The following BCAR3 variants were observed in gnomAD, a reference collection of about 807,000 sequenced individuals.
BCAR3 encodes BCAR3 adaptor protein, NSP family member.
Under a neutral mutation model 80.1 loss-of-function variants are expected in BCAR3, and 37 were observed. That is an observed-to-expected ratio of 0.46 (90% confidence interval 0.36 to 0.61). The LOEUF is 0.61. Ranked by LOEUF, BCAR3 falls within the 20% of genes least tolerant of loss-of-function variation. BCAR3 has a pLI of 0.00. For missense variants in BCAR3, 978 were observed against 1,068.2 expected, an observed-to-expected ratio of 0.92 and a Z score of 1.18; for synonymous variants, 389 against 418.9, an observed-to-expected ratio of 0.93 and a Z score of 0.87.
At chr1:93,621,031 T>A (rs1675291131) in intron 3 of BCAR3, among the ~76,000 whole-genome samples, 1 of 152,058 alleles carries the variant, frequency 6.6e-6, no homozygotes, top group Non-Finnish European at 1.5e-5. Flanking sequence ...CTGCAAGGGA[T>A]CACCCGCCTA....
chr1:93,830,622 C>T (rs1183850889), intron 2 of BCAR3, among the ~76,000 whole-genome samples: 1 of 152,130 alleles, frequency 6.6e-6, no homozygotes, highest in African/African-American at 2.4e-5. Flanking sequence ...TATAAAATGG[C>T]CCCACCCCTA....
chr1:93,844,751 C>G (rs1056727397), intron 2 of BCAR3, among the ~76,000 whole-genome samples: 4 of 150,476 alleles, frequency 2.7e-5, no homozygotes, highest in Non-Finnish European at 4.4e-5. Flanking sequence ...TTCTGTCGCC[C>G]AGGCTGGAGT....
intron 2 of BCAR3, among the ~76,000 whole-genome samples, chr1:93,707,577 C>G (rs942789557): frequency 6.6e-6 from 1 of 151,674 alleles, no homozygotes; most frequent in African/African-American, 2.4e-5. Context: ...TGTGGTGGCG[C>G]GTGCCTGTAA....
chr1:93,816,487 A>C (rs547023035), intron 2 of BCAR3, among the ~76,000 whole-genome samples: 86 of 151,980 alleles, frequency 5.7e-4, no homozygotes, highest in African/African-American at 2.0e-3. Context: ...CCTGGCCAAC[A>C]CAGTGAAACC....
At position 93,725,865 on chromosome 1, in the gene BCAR3, G is replaced by A. The variant is rs114214310; in HGVS notation, c.-62-19723C>T. ...CTAGCCCTTTCTTTTTCCAGGAATC[G>A]GCAGCTTCACTTCTGTCTTATATCA... On this transcript the variant is annotated intron_variant, in intron 2 of 13. Coordinates refer to the BCAR3 transcript ENST00000370244. 9.1e-3 allele frequency among the ~76,000 whole-genome samples: 1,389 copies of A among 152,054 alleles called. 21 individuals are homozygous for A. Among genetic ancestry groups the A allele is most frequent in the African/African-American group, 0.032 (1,340 of 41,462 alleles).
chr1:93,809,518 A>G (rs930869507), intron 2 of BCAR3, among the ~76,000 whole-genome samples: 13 of 152,270 alleles, frequency 8.5e-5, no homozygotes, highest in African/African-American at 3.1e-4. Context: ...CTGTAATCCC[A>G]GCACTTTGGG....
At chr1:93,677,518 AAGG>A (rs1163732127) in intron 1 of BCAR3, among the ~76,000 whole-genome samples, 1 of 152,116 alleles carries the variant, frequency 6.6e-6, no homozygotes, top group African/African-American at 2.4e-5. Flanking sequence ...GGGAGAGAAA[AAGG>A]AGGCAGGGAG....
rs542479090 is a variant in BCAR3, at chr1:93,564,140, T to C, written c.2300-1721A>G. 5.3e-5 allele frequency among the ~76,000 whole-genome samples: 8 copies of C among 152,322 alleles called. No individual in the cohort carries two copies. The South Asian group carries it at 1.7e-3, about 32-fold the overall frequency. On this transcript the variant is annotated intron_variant, in intron 11 of 11. Coordinates refer to ENST00000260502, the MANE Select transcript of BCAR3 (RefSeq NM_003567.4). ...TATGCCTTCTCTGATGTAGTGTCTA[T>C]TCAAATTTTTGTCTATTTAAATTTT...
intron 2 of BCAR3, among the ~76,000 whole-genome samples, chr1:93,708,691 C>A (rs1649908950): frequency 6.6e-6 from 1 of 152,146 alleles, no homozygotes; most frequent in Non-Finnish European, 1.5e-5. Flanking sequence ...CATAGAGTCC[C>A]CTATATAACT....
chr1:93,570,744 C>T (rs1054568111), intron 9 of BCAR3, among the ~76,000 whole-genome samples: 3 of 152,250 alleles, frequency 2.0e-5, no homozygotes, highest in Admixed American at 6.5e-5. Flanking sequence ...CTGCCCACAC[C>T]TGGTGACCCA....
intron 3 of BCAR3, among the ~76,000 whole-genome samples, chr1:93,688,802 G>T (rs986458177): frequency 7.2e-6 from 1 of 138,130 alleles, no homozygotes; most frequent in Non-Finnish European, 1.5e-5. Flanking sequence ...TTGTTTGTTT[G>T]TTTTTTGTAT....
intron 2 of BCAR3, among the ~76,000 whole-genome samples, chr1:93,835,385 C>T (rs181382347): frequency 4.6e-5 from 7 of 152,282 alleles, no homozygotes; most frequent in East Asian, 3.9e-4. Flanking sequence ...AGCAGCTTAG[C>T]GTTCCAACTT....
At chr1:93,641,415 C>T (rs983345865) in intron 3 of BCAR3, among the ~76,000 whole-genome samples, 44 of 152,192 alleles carry the variant, frequency 2.9e-4, no homozygotes, top group African/African-American at 1.0e-3. Context: ...CTAACTCTTG[C>T]TACGATTTCT....
chr1:93,739,871 C>T (rs2100694660), intron 2 of BCAR3, among the ~76,000 whole-genome samples: 1 of 151,804 alleles, frequency 6.6e-6, no homozygotes, highest in East Asian at 1.9e-4. Flanking sequence ...CCCGTCTCTA[C>T]AAAAAATATA....
At chr1:93,615,379 C>T (rs974406271) in intron 3 of BCAR3, among the ~76,000 whole-genome samples, 3 of 152,188 alleles carry the variant, frequency 2.0e-5, no homozygotes, top group African/African-American at 7.2e-5. Context: ...GGCAAGGGCC[C>T]GGCCTCATCA....
At position 93,582,265 on chromosome 1, in the gene BCAR3, A is replaced by G. The variant is rs780146967; in HGVS notation, c.1686+36T>C. The G allele has an allele frequency of 5.0e-6, 8 of 1,587,618 alleles. No homozygotes were observed. In the African/African-American group the frequency reaches 9.4e-5, roughly 19 times the overall value. On this transcript the variant is annotated intron_variant, in intron 7 of 11. Transcript: ENST00000260502. ...GACCCCTAGCTCTTACCAAACCTTGAAAAGCCAGAGGAGCACCAGGACCCC... is the reference window on the plus strand; with the variant it reads ...GACCCCTAGCTCTTACCAAACCTTGGAAAGCCAGAGGAGCACCAGGACCCC...
At chr1:93,751,922 C>T (rs999245316) in intron 2 of BCAR3, among the ~76,000 whole-genome samples, 6 of 152,216 alleles carry the variant, frequency 3.9e-5, no homozygotes, top group Non-Finnish European at 4.4e-5. Flanking sequence ...GTTACAGATC[C>T]GCCCACATGA....
intron 1 of BCAR3, among the ~76,000 whole-genome samples, chr1:93,676,137 C>T (rs1459036628): frequency 1.3e-5 from 2 of 152,096 alleles, no homozygotes; most frequent in African/African-American, 4.8e-5. Flanking sequence ...ACCACCCTTT[C>T]CACTGCATTA....
At chr1:93,842,148 CT>C (rs3068798) in intron 2 of BCAR3, among the ~76,000 whole-genome samples, 42,092 of 143,256 alleles carry the variant, frequency 0.29, 6,027 homozygotes, top group Middle Eastern at 0.38. Context: ...ACCTGTCATC[CT>C]TTTTTTTTTT....
Sources: gnomAD v4.1 joint callset for allele counts (sites outside exome capture counted in the v4.1 genomes callset) on GRCh38, gnomAD v4.1.1 for gene constraint, MANE v1.5 for transcripts, NCBI Gene and HGNC (gene_info 2026-07-23, HGNC 2026-07-21) for gene names.